The following GRID1 variants were observed in gnomAD, a reference collection of about 807,000 sequenced individuals.
GRID1 encodes the protein glutamate ionotropic receptor delta type subunit 1, also known as glutamate receptor ionotropic, delta-1.
A neutral mutation model predicts 98.0 loss-of-function variants in GRID1; 28 were observed. The ratio of observed to expected loss-of-function variants is 0.29; its 90% confidence interval spans 0.21 to 0.39. GRID1 has a LOEUF of 0.39. Ranked by LOEUF, GRID1 falls within the 10% of genes least tolerant of loss-of-function variation. The pLI, the probability that GRID1 is intolerant of heterozygous loss-of-function variation, is 1.00. For missense variants in GRID1, 1,111 were observed against 1,340.5 expected (o/e 0.83, Z 2.67); for synonymous variants, 553 against 538.5 (o/e 1.03, Z -0.37).
chr10:86,357,416 C>T (rs1291791374), intron 2 of GRID1, among the ~76,000 whole-genome samples: 1 of 152,210 alleles, frequency 6.6e-6, no homozygotes, highest in Admixed American at 6.5e-5. Flanking sequence ...ATAAGGTATC[C>T]ATCTGCTCAC....
At position 86,349,724 on chromosome 10, in the gene GRID1, A is replaced by C. The variant is rs541038020; in HGVS notation, c.235+14217T>G. On this transcript the variant is annotated intron_variant, in intron 2 of 15. Coordinates refer to ENST00000327946, the MANE Select transcript of GRID1 (RefSeq NM_017551.3). ...AAGTGGTCCTGAGAAAGAACACCGGACAAGGAGCAGCAGCATGCAGAGGTT... is the reference window on the plus strand; with the variant it reads ...AAGTGGTCCTGAGAAAGAACACCGGCCAAGGAGCAGCAGCATGCAGAGGTT... Among the ~76,000 whole-genome samples, 4 of 152,308 alleles carry C rather than the reference A, an allele frequency of 2.6e-5. No homozygotes were observed. In the South Asian group the frequency reaches 8.3e-4, roughly 32 times the overall value.
intron 3 of GRID1, among the ~76,000 whole-genome samples, chr10:86,164,634 A>C (rs1845371754): frequency 6.6e-6 from 1 of 152,228 alleles, no homozygotes; most frequent in Non-Finnish European, 1.5e-5. Flanking sequence ...GGGGTCAGGG[A>C]GAGTTTCCCA....
intron 8 of GRID1, among the ~76,000 whole-genome samples, chr10:85,787,058 C>T (rs1182626833): frequency 2.0e-5 from 3 of 152,208 alleles, no homozygotes; most frequent in Non-Finnish European, 4.4e-5. Flanking sequence ...GCCTTGCAGC[C>T]CTGGTTAGAG....
intron 4 of GRID1, among the ~76,000 whole-genome samples, chr10:86,088,933 A>T (rs941633815): frequency 6.6e-6 from 1 of 152,114 alleles, no homozygotes; most frequent in Non-Finnish European, 1.5e-5. Context: ...GTCCTGCTCT[A>T]TCTAGCCAAA....
intron 2 of GRID1, among the ~76,000 whole-genome samples, chr10:86,284,643 G>A (rs993297061): frequency 6.6e-6 from 1 of 152,210 alleles, no homozygotes. Context: ...CCAAAGCAGC[G>A]AATGTGGGCC....
At chr10:86,255,660 C>T (rs997084294) in intron 2 of GRID1, among the ~76,000 whole-genome samples, 2 of 152,232 alleles carry the variant, frequency 1.3e-5, no homozygotes, top group African/African-American at 4.8e-5. Flanking sequence ...TCAGAGAGGA[C>T]GTGCACTGCC....
intron 5 of GRID1, among the ~76,000 whole-genome samples, chr10:85,897,340 G>C (rs1020721692): frequency 6.6e-6 from 1 of 152,158 alleles, no homozygotes; most frequent in African/African-American, 2.4e-5. Flanking sequence ...TAGGCAAACT[G>C]TCATAATGGT....
chr10:85,920,619 G>A (rs926056268), intron 4 of GRID1, among the ~76,000 whole-genome samples: 3 of 152,204 alleles, frequency 2.0e-5, no homozygotes, highest in Admixed American at 2.0e-4. Context: ...ACCTCCATGT[G>A]CTCCCCTTCA....
chr10:86,338,291 C>T (rs981962570), intron 2 of GRID1, among the ~76,000 whole-genome samples: 2 of 152,050 alleles, frequency 1.3e-5, no homozygotes, highest in African/African-American at 2.4e-5. Context: ...CCTCTGAAGA[C>T]CTCTTTCCCC....
intron 8 of GRID1, among the ~76,000 whole-genome samples, chr10:85,832,567 C>G (rs1842876651): frequency 6.6e-6 from 1 of 152,240 alleles, no homozygotes; most frequent in East Asian, 1.9e-4. Flanking sequence ...ACTCATTTCT[C>G]CCTGCTCTTC....
chr10:85,723,769 C>T (rs1438254228), intron 11 of GRID1, among the ~76,000 whole-genome samples: 2 of 152,324 alleles, frequency 1.3e-5, no homozygotes, highest in South Asian at 4.1e-4. Context: ...AAGAGAGCTT[C>T]TCACTGCTTA....
intron 13 of GRID1, among the ~76,000 whole-genome samples, chr10:85,634,284 C>T (rs1185908891): frequency 4.9e-5 from 7 of 141,700 alleles, no homozygotes; most frequent in African/African-American, 8.8e-5. Context: ...CTCTCTCTCT[C>T]TCTCTCTCAC....
chr10:85,801,446 T>C lies in GRID1; in HGVS notation c.1233+53050A>G, dbSNP rs537570627. Among the ~76,000 whole-genome samples the C allele has an allele frequency of 4.5e-3, 687 of 151,994 alleles. 2 individuals are homozygous for C. Among genetic ancestry groups the C allele is most frequent in the African/African-American group, 0.015 (638 of 41,562 alleles). On this transcript the variant is annotated intron_variant, in intron 8 of 15. Coordinates refer to ENST00000327946, the MANE Select transcript of GRID1 (RefSeq NM_017551.3). ...CAGGACTATTCATTTTATTTGTCAA[T>C]ATAAATGTAAAATGTCTAAATAAAA...
intron 2 of GRID1, among the ~76,000 whole-genome samples, chr10:86,342,334 G>A (rs1013535177): frequency 2.0e-5 from 3 of 152,204 alleles, no homozygotes; most frequent in Non-Finnish European, 4.4e-5. Flanking sequence ...GCAGGTCCAA[G>A]TCCAGGTCCC....
chr10:86,176,135 G>A (rs901358489), intron 3 of GRID1, among the ~76,000 whole-genome samples: 1 of 152,256 alleles, frequency 6.6e-6, no homozygotes, highest in Non-Finnish European at 1.5e-5. Context: ...CAGCTGCTGC[G>A]CCCAGCCAGA....
chr10:86,268,575 G>C lies in GRID1; in HGVS notation c.236-61927C>G, dbSNP rs556336812. Among the ~76,000 whole-genome samples, 6 of 152,328 alleles carry C rather than the reference G, an allele frequency of 3.9e-5. 1 individual carries two copies. The Middle Eastern group carries it at 0.017, about 432-fold the overall frequency. On this transcript the variant is annotated intron_variant, in intron 2 of 15. Transcript: ENST00000327946. ...AGGCCAGCACAAGGGTCAGGGACTC[G>C]AATAGGAGGCCACCAACACCATTTG...
intron 12 of GRID1, among the ~76,000 whole-genome samples, chr10:85,689,718 T>G (rs1343577085): frequency 6.6e-6 from 1 of 152,070 alleles, no homozygotes; most frequent in Non-Finnish European, 1.5e-5. Context: ...CAAAAAATCC[T>G]GTAGGAATAT....
chr10:85,608,065 C>A (rs554646557), intron 15 of GRID1, among the ~76,000 whole-genome samples: 110 of 152,156 alleles, frequency 7.2e-4, no homozygotes, highest in African/African-American at 2.4e-3. Flanking sequence ...GCAATTCTGC[C>A]TTGGCTTCCC....
chr10:85,773,514 G>A (rs111774245), intron 8 of GRID1, among the ~76,000 whole-genome samples: 2 of 151,112 alleles, frequency 1.3e-5, no homozygotes, highest in Non-Finnish European at 1.5e-5. Flanking sequence ...TATTCAATTA[G>A]GAAAAGAGGA....
Sources: allele counts gnomAD v4.1 joint callset (sites outside exome capture counted in the v4.1 genomes callset), GRCh38; gene constraint gnomAD v4.1.1; transcripts MANE v1.5; gene names NCBI Gene and HGNC (gene_info 2026-07-23, HGNC 2026-07-21).